NFIA: variants seen among roughly 807,000 people sequenced by gnomAD.
NFIA encodes the protein nuclear factor I A, also known as nuclear factor 1 A-type.
Under a neutral mutation model 62.8 loss-of-function variants are expected in NFIA, and 8 were observed. That is an observed-to-expected ratio of 0.13 (90% CI 0.07 to 0.23). The LOEUF is 0.23. NFIA is among the 10% of genes least tolerant of loss of function. The pLI is 1.00. For synonymous variants in NFIA, 235 were observed against 238.1 expected, an observed-to-expected ratio of 0.99 and a Z score of 0.12; for missense variants, 410 against 642.1, an observed-to-expected ratio of 0.64 and a Z score of 3.91.
At chr1:61,414,339 T>C (rs1666257412) in intron 9 of NFIA, among the ~76,000 whole-genome samples, 3 of 152,224 alleles carry the variant, frequency 2.0e-5, no homozygotes, top group Non-Finnish European at 4.4e-5. Context: ...AGAATAATCC[T>C]ATGAAATAAA....
At chr1:61,098,882 T>C (rs1175480480) in intron 2 of NFIA, among the ~76,000 whole-genome samples, 2 of 152,170 alleles carry the variant, frequency 1.3e-5, no homozygotes, top group East Asian at 3.9e-4. Context: ...TCTCATTGGA[T>C]CCAGGATATG....
At chr1:61,242,473 ACT>A (rs1655405091) in intron 2 of NFIA, among the ~76,000 whole-genome samples, 1 of 152,160 alleles carries the variant, frequency 6.6e-6, no homozygotes, top group Non-Finnish European at 1.5e-5. Context: ...TGCAGTTTGT[ACT>A]CTGTGATATG....
intron 3 of NFIA, among the ~76,000 whole-genome samples, chr1:61,325,625 C>T (rs538556436): frequency 9.9e-5 from 15 of 152,220 alleles, no homozygotes; most frequent in African/African-American, 3.4e-4. Context: ...TACATCAAAA[C>T]CTGCCAAAGA....
intron 6 of NFIA, among the ~76,000 whole-genome samples, chr1:61,368,693 C>T (rs143461093): frequency 6.6e-5 from 10 of 152,228 alleles, no homozygotes; most frequent in African/African-American, 1.9e-4. Context: ...TTTTAATATA[C>T]GCAAAGTATA....
At chr1:61,199,614 C>T (rs961918609) in intron 2 of NFIA, among the ~76,000 whole-genome samples, 10 of 152,014 alleles carry the variant, frequency 6.6e-5, no homozygotes, top group African/African-American at 2.4e-4. Flanking sequence ...TTTTCTGGTT[C>T]CTTCTAATCG....
intron 3 of NFIA, among the ~76,000 whole-genome samples, chr1:61,319,518 CTGTGTGTCTG>C (rs1319018338): frequency 1.3e-5 from 2 of 152,034 alleles, no homozygotes; most frequent in East Asian, 1.9e-4. Flanking sequence ...CTTATTCAAG[CTGTGTGTCTG>C]TGTGTGTCTG....
Position 61,432,988 on chromosome 1 carries a change from A to G in NFIA, c.1512+6432A>G, listed in dbSNP as rs1569865201. On this transcript the variant is annotated intron_variant, in intron 10 of 10. Transcript: ENST00000403491. ...CAGAAGAGTACATTTGTCCCATGGT[A>G]ATTGAAGTAGCTGAGATTTGAACCA... Among the ~76,000 whole-genome samples, 4 of 152,262 alleles carry G rather than the reference A, an allele frequency of 2.6e-5. No individual in the cohort carries two copies. The South Asian group carries it at 8.3e-4, about 32-fold the overall frequency.
chr1:61,221,913 TTG>T (rs1465414638), intron 2 of NFIA, among the ~76,000 whole-genome samples: 1 of 152,130 alleles, frequency 6.6e-6, no homozygotes, highest in Non-Finnish European at 1.5e-5. Context: ...TAATGGCACA[TTG>T]TGAATATTTA....
upstream of NFIA, among the ~76,000 whole-genome samples, chr1:61,078,970 C>G (rs370490507): frequency 6.6e-6 from 1 of 152,294 alleles, no homozygotes; most frequent in African/African-American, 2.4e-5. Context: ...GCAGCGTAGA[C>G]ACCCAATTCT....
At chr1:61,215,312 A>G (rs1356710819) in intron 2 of NFIA, among the ~76,000 whole-genome samples, 6 of 152,216 alleles carry the variant, frequency 3.9e-5, no homozygotes, top group African/African-American at 1.4e-4. Context: ...GACCATGTCC[A>G]TGCAATTACT....
chr1:61,257,326 G>A (rs904277040), intron 2 of NFIA, among the ~76,000 whole-genome samples: 5 of 115,750 alleles, frequency 4.3e-5, no homozygotes, highest in African/African-American at 1.6e-4. Flanking sequence ...TTTTTACTGC[G>A]TTGTTTTTTT....
intron 7 of NFIA, among the ~76,000 whole-genome samples, chr1:61,402,830 C>T (rs757900841): frequency 6.6e-5 from 10 of 152,204 alleles, no homozygotes; most frequent in Non-Finnish European, 1.3e-4. Context: ...TTGAAAACTA[C>T]AGATGTCACT....
At position 61,422,242 on chromosome 1, in the gene NFIA, G is replaced by A. The variant is rs559805165; in HGVS notation, c.1421-4223G>A. On this transcript the variant is annotated intron_variant, in intron 9 of 10. Transcript: ENST00000403491. ...CCTGCCACTGCACTCCAGCCTGGGC[G>A]ACAGAGCCAGACTCCATCTCAAAAA... Among the ~76,000 whole-genome samples, 14 of 152,262 alleles carry A rather than the reference G, an allele frequency of 9.2e-5. 1 individual carries two copies. In the South Asian group the frequency reaches 2.5e-3, roughly 27 times the overall value.
At chr1:61,084,540 T>C (rs1274084390) in intron 1 of NFIA, among the ~76,000 whole-genome samples, 1 of 152,070 alleles carries the variant, frequency 6.6e-6, no homozygotes, top group African/African-American at 2.4e-5. Context: ...ATGGATAAGA[T>C]GCAAAGTGTA....
chr1:61,401,251 TAAGA>T (rs1557758907), intron 7 of NFIA, among the ~76,000 whole-genome samples: 1 of 152,218 alleles, frequency 6.6e-6, no homozygotes, highest in Non-Finnish European at 1.5e-5. Flanking sequence ...TGGTATTAAT[TAAGA>T]ATTAATTGAT....
rs560029331 is a variant in NFIA at position 61,325,902 on chromosome 1, C to T, written c.626-6610C>T. Among the ~76,000 whole-genome samples the T allele has an allele frequency of 2.2e-4, 29 of 129,778 alleles. No individual in the cohort carries two copies. The East Asian group carries it at 4.8e-3, about 22-fold the overall frequency. 85.1% of individuals were successfully genotyped at this position (129,778 alleles called of 152,430 possible). A position where few individuals can be genotyped will look rare whatever the true frequency, so the allele number is the denominator to read the frequency against. On this transcript the variant is annotated intron_variant, in intron 3 of 10. Coordinates refer to ENST00000403491, the MANE Select transcript of NFIA (RefSeq NM_001134673.4). ...GAGCCGAAATGGCGCCGCTGCACTC[C>T]AGCCTGGGAGACAGAGCTAGACTCT...
At chr1:61,237,912 AATCATT>A (rs1369441259) in intron 2 of NFIA, among the ~76,000 whole-genome samples, 1 of 152,194 alleles carries the variant, frequency 6.6e-6, no homozygotes, top group Non-Finnish European at 1.5e-5. Flanking sequence ...CATCATTATT[AATCATT>A]ATTATTATTG....
chr1:61,400,506 A>G (rs994836068), intron 7 of NFIA, among the ~76,000 whole-genome samples: 7 of 152,220 alleles, frequency 4.6e-5, no homozygotes, highest in African/African-American at 1.7e-4. Flanking sequence ...ATCAATGTGG[A>G]TACAGATGGA....
upstream of NFIA, chr1:61,082,060 C>T: frequency 6.5e-7 from 1 of 1,544,170 alleles, no homozygotes; most frequent in East Asian, 2.5e-5. Context: ...CCGCGGAGGT[C>T]TGCAGCGGGG....
Sources: allele counts gnomAD v4.1 joint callset (sites outside exome capture counted in the v4.1 genomes callset), GRCh38; gene constraint gnomAD v4.1.1; transcripts MANE v1.5; gene names NCBI Gene and HGNC (gene_info 2026-07-23, HGNC 2026-07-21).